HFM1: variants seen among roughly 807,000 people sequenced by gnomAD.
The protein encoded by HFM1 is helicase for meiosis 1, also known as probable ATP-dependent DNA helicase HFM1.
Under a neutral mutation model 192.1 loss-of-function variants are expected in HFM1, and 169 were observed. That is an observed-to-expected ratio of 0.88 (90% CI 0.78 to 1.00). HFM1 has a LOEUF of 1.00. Among genes scored for constraint, HFM1 ranks in the 50% least tolerant of loss-of-function variants. HFM1 has a pLI of 0.00. For synonymous variants in HFM1, 525 were observed against 537.8 expected (o/e 0.98, Z 0.33); for missense variants, 1,661 against 1,668.0 (o/e 1.00, Z 0.07).
At chr1:91,351,481 T>C in intron 17 of HFM1, 68 bp downstream of exon 17, 1 of 836,340 alleles carries the variant, frequency 1.2e-6, no homozygotes, top group Non-Finnish European at 1.9e-6. Context: ...TTCCCTTTGA[T>C]ATTTTAAAAG....
intron 13 of HFM1, among the ~76,000 whole-genome samples, chr1:91,357,968 T>A (rs1199262723): frequency 6.6e-6 from 1 of 152,160 alleles, no homozygotes; most frequent in Non-Finnish European, 1.5e-5. Context: ...TGGAAAGATA[T>A]CCTGTGTTGA....
chr1:91,339,055 A>C, intron 20 of HFM1: 2 of 454,850 alleles, frequency 4.4e-6, no homozygotes, highest in Non-Finnish European at 8.8e-6. Context: ...AGTCAACTAA[A>C]CCCAACTTAT....
At chr1:91,288,868 C>T (rs2100898072) in intron 30 of HFM1, among the ~76,000 whole-genome samples, 1 of 152,336 alleles carries the variant, frequency 6.6e-6, no homozygotes, top group South Asian at 2.1e-4. Flanking sequence ...GTCATCATGG[C>T]CCTTTCTCAA....
rs1651724446 is a variant in HFM1 at position 91,319,308 on chromosome 1, A to G, written c.2665T>C (p.Ser889Pro). ...TGTAACATACATCTTGTAATTCGGGAGCCATGTCTGAAAATCTTTGCGGTA... is the reference window on the plus strand; with the variant it reads ...TGTAACATACATCTTGTAATTCGGGGGCCATGTCTGAAAATCTTTGCGGTA... Reference protein sequence around the residue: ...QDTAKIFRHGSRITRWLSDFV... With the variant: ...QDTAKIFRHGPRITRWLSDFV... Residue 889 changes from serine (S) to proline (P), a missense_variant, in exon 24 of 39, where the codon TCC becomes CCC. Transcript: ENST00000370425. 6.2e-7 allele frequency: 1 copy of G among 1,610,146 alleles called. No homozygotes were observed. The highest frequency in any genetic ancestry group is 1.3e-5 in the African/African-American group (1 of 74,936).
At chr1:91,372,010 G>T (rs1351165589) in intron 13 of HFM1, among the ~76,000 whole-genome samples, 1 of 152,216 alleles carries the variant, frequency 6.6e-6, no homozygotes, top group East Asian at 1.9e-4. Context: ...CTGGCCATCA[G>T]AGAAATGAAA....
chr1:91,368,260 C>T (rs868168918), intron 13 of HFM1, among the ~76,000 whole-genome samples: 3 of 152,144 alleles, frequency 2.0e-5, no homozygotes, highest in South Asian at 4.2e-4. Flanking sequence ...CACAAAGATA[C>T]TCCTCAAGAA....
chr1:91,352,800 T>C (rs1657133738), intron 15 of HFM1, 149 bp from the exon 16 acceptor site: 3 of 644,644 alleles, frequency 4.7e-6, no homozygotes, highest in South Asian at 5.4e-5. Flanking sequence ...TCTAAAATAG[T>C]AACACACCTT....
At position 91,299,378 on chromosome 1, in the gene HFM1, G is replaced by C. The variant is rs574130167; in HGVS notation, c.3391+13971C>G. On this transcript the variant is annotated intron_variant, in intron 30 of 38. Coordinates refer to ENST00000370425, the MANE Select transcript of HFM1 (RefSeq NM_001017975.6). ...CTGTCAACATTAGACAGATCAACAA[G>C]ACAGAACGTTAAAAAGGATATCCAG... Among the ~76,000 whole-genome samples the C allele has an allele frequency of 1.1e-4, 17 of 152,228 alleles. 1 individual carries two copies. The South Asian group carries it at 3.5e-3, about 32-fold the overall frequency.
chr1:91,315,682 C>A, intron 28 of HFM1, 133 bp downstream of exon 28: 6 of 586,306 alleles, frequency 1.0e-5, no homozygotes, highest in East Asian at 2.9e-5. Flanking sequence ...ATAGAGAAAC[C>A]ATCCCATTAT....
chr1:91,300,192 G>T (rs1362946737), intron 30 of HFM1, among the ~76,000 whole-genome samples: 1 of 152,156 alleles, frequency 6.6e-6, no homozygotes, highest in African/African-American at 2.4e-5. Context: ...AGAAGAAATG[G>T]ATAAATTTCT....
At chr1:91,338,285 G>A (rs1365332371) in intron 20 of HFM1, among the ~76,000 whole-genome samples, 1 of 152,196 alleles carries the variant, frequency 6.6e-6, no homozygotes, top group Non-Finnish European at 1.5e-5. Flanking sequence ...AGTCAGGAAT[G>A]CCAATCCCCC....
chr1:91,342,376 C>T (rs1655485586), intron 20 of HFM1, among the ~76,000 whole-genome samples: 1 of 152,106 alleles, frequency 6.6e-6, no homozygotes, highest in Non-Finnish European at 1.5e-5. Flanking sequence ...TTCTTCTGGC[C>T]TTTCCCTGAA....
At chr1:91,323,030 T>A in intron 22 of HFM1, 33 bp from the exon 23 acceptor site, 1 of 1,335,116 alleles carries the variant, frequency 7.5e-7, no homozygotes, top group Non-Finnish European at 1.0e-6. Flanking sequence ...AAACATTTAT[T>A]ATTATTTATT....
At chr1:91,337,970 G>T (rs1654819520) in intron 20 of HFM1, among the ~76,000 whole-genome samples, 1 of 152,192 alleles carries the variant, frequency 6.6e-6, no homozygotes, top group Admixed American at 6.5e-5. Context: ...TCTTCAGAAG[G>T]AAGTCATTGA....
chr1:91,286,550 C>G (rs1667992054), intron 30 of HFM1, among the ~76,000 whole-genome samples: 1 of 152,094 alleles, frequency 6.6e-6, no homozygotes, highest in African/African-American at 2.4e-5. Context: ...TATAAGGACA[C>G]CAGTCATATT....
At chr1:91,371,863 T>G (rs1219993117) in intron 13 of HFM1, among the ~76,000 whole-genome samples, 2 of 152,046 alleles carry the variant, frequency 1.3e-5, no homozygotes, top group Non-Finnish European at 2.9e-5. Flanking sequence ...ATATCCAGAA[T>G]CTACAATGAA....
intron 6 of HFM1, 133 bp from the exon 7 acceptor site, chr1:91,381,115 C>CT (rs1661506881): frequency 3.5e-6 from 2 of 569,240 alleles, no homozygotes; most frequent in Non-Finnish European, 6.3e-6. Context: ...TATCTGGCAT[C>CT]TTAGGAAAAG....
chr1:91,364,499 C>A (rs1658954934), intron 13 of HFM1, among the ~76,000 whole-genome samples: 1 of 150,482 alleles, frequency 6.6e-6, no homozygotes, highest in Non-Finnish European at 1.5e-5. Context: ...ATGTTCCTTG[C>A]AGATTGTTCA....
chr1:91,380,999 G>A lies in HFM1; in HGVS notation c.803-17C>T. 1 of 1,115,336 alleles carries A rather than the reference G, an allele frequency of 9.0e-7. No homozygotes were observed. The highest frequency in any genetic ancestry group is 1.3e-5 in the South Asian group (1 of 74,268). The allele number at this position is 1,115,336 out of a possible 1,614,324, so 69.1% of individuals were successfully genotyped here. Reference sequence around the variant, plus strand: ...ATTTTGCCGCTTACAATAACATTAAGGAGTCAAATATTTCAGAATTTAAAA... The same window carrying A: ...ATTTTGCCGCTTACAATAACATTAAAGAGTCAAATATTTCAGAATTTAAAA... On this transcript the variant is annotated splice_polypyrimidine_tract_variant and intron_variant, in intron 6 of 38. Transcript: ENST00000370425.
Sources: gnomAD v4.1 joint callset for allele counts (sites outside exome capture counted in the v4.1 genomes callset) on GRCh38, gnomAD v4.1.1 for gene constraint, MANE v1.5 for transcripts, NCBI Gene and HGNC (gene_info 2026-07-23, HGNC 2026-07-21) for gene names.